Variants in DBF4 observed in about 807,000 individuals in gnomAD.
DBF4 encodes the protein DBF4-CDC7 kinase regulatory subunit, also known as protein DBF4 homolog A.
In DBF4, 25 loss-of-function variants were observed where a neutral mutation model predicts 76.6. The observed-to-expected ratio is 0.33, with a 90% CI of 0.24 to 0.46. The LOEUF is 0.46. Among genes scored for constraint, DBF4 ranks in the 20% least tolerant of loss-of-function variants. The pLI, the probability that DBF4 is intolerant of heterozygous loss-of-function variation, is 1.00. For synonymous variants in DBF4, 213 were observed against 258.0 expected, an observed-to-expected ratio of 0.83 and a Z score of 1.67; for missense variants, 638 against 760.8, an observed-to-expected ratio of 0.84 and a Z score of 1.90.
intron 8 of DBF4, among the ~76,000 whole-genome samples, chr7:87,898,394 C>A (rs906215989): frequency 1.3e-5 from 2 of 152,152 alleles, no homozygotes; most frequent in African/African-American, 4.8e-5. Flanking sequence ...TCACTGCAAT[C>A]CCTATCAAAA....
rs17146787 is a variant in DBF4, at chr7:87,908,426, C to G, written c.*263C>G. 4.2e-3 allele frequency: 1,017 copies of G among 242,988 alleles called. 23 individuals carry two copies. The East Asian group carries it at 0.066, about 16-fold the overall frequency. 15.1% of individuals were successfully genotyped at this position (242,988 alleles called of 1,614,324 possible). The stretch of plus-strand genomic sequence containing the variant: ...GAGAATTACAATGAATAATAATTTG[C>G]TTTGTCACTGAAAACCACCAGTGAA... On this transcript the variant is annotated 3_prime_UTR_variant, in exon 12 of 12. Coordinates refer to ENST00000265728, the MANE Select transcript of DBF4 (RefSeq NM_006716.4).
At chr7:87,881,114 A>G (rs529004192) in intron 2 of DBF4, among the ~76,000 whole-genome samples, 1 of 152,238 alleles carries the variant, frequency 6.6e-6, no homozygotes, top group South Asian at 2.1e-4. Context: ...GGTAGATTCA[A>G]AAATGAATCC....
In DBF4 at chr7:87,908,948, A is replaced by T. The variant is rs1032014133; in HGVS notation, c.*785A>T. The T allele has an allele frequency of 1.3e-5, 2 of 152,238 alleles. No individual in the cohort carries two copies. The highest frequency in any genetic ancestry group is 4.8e-5 in the African/African-American group (2 of 41,442). 9.4% of individuals were successfully genotyped at this position (152,238 alleles called of 1,614,324 possible). ...CAAAAAATTAGCTGGGCATGGCGGC[A>T]TGCGCCTGTAGTCCCAGCTACTCCC... On this transcript the variant is annotated 3_prime_UTR_variant, in exon 12 of 12. Coordinates refer to ENST00000265728, the MANE Select transcript of DBF4 (RefSeq NM_006716.4).
rs570992137 is a variant in DBF4 at position 87,876,504 on chromosome 7, C to T, written c.-229C>T. 2.3e-5 allele frequency: 11 copies of T among 480,982 alleles called. No homozygotes were observed. In the South Asian group the frequency reaches 2.9e-4, roughly 13 times the overall value. 29.8% of individuals were successfully genotyped at this position (480,982 alleles called of 1,614,324 possible). A position where few individuals can be genotyped will look rare whatever the true frequency, so the allele number is the denominator to read the frequency against. ...CGTGACGCGTTTTCAAATCTTCAAC[C>T]GCCGCAGCCCACTCGTTTGTGCTTT... On this transcript the variant is annotated 5_prime_UTR_variant, in exon 1 of 12. Coordinates refer to ENST00000265728, the MANE Select transcript of DBF4 (RefSeq NM_006716.4).
chr7:87,886,972 A>G, intron 4 of DBF4, 78 bp downstream of exon 4: 3 of 1,037,362 alleles, frequency 2.9e-6, no homozygotes, highest in Middle Eastern at 4.2e-4. Flanking sequence ...TATTCTTGAA[A>G]TTTTCCTTTC....
At position 87,908,363 on chromosome 7, in the gene DBF4, CTT is replaced by C. The variant is rs1477924556; in HGVS notation, c.*201_*202del. ...ATTACAGAATAAACTTGTGACTGGT[CTT>C]GTTTTACATTATATATATGTTCGTA... is the stretch of plus-strand genomic sequence containing the variant. On this transcript the variant is annotated 3_prime_UTR_variant, in exon 12 of 12. Coordinates refer to ENST00000265728, the MANE Select transcript of DBF4 (RefSeq NM_006716.4). The C allele has an allele frequency of 4.6e-6, 2 of 431,280 alleles. No individual in the cohort carries two copies. Among genetic ancestry groups the C allele is most frequent in the Admixed American group, 8.3e-5 (2 of 24,104 alleles). The allele number at this position is 431,280 out of a possible 1,614,324, so 26.7% of individuals were successfully genotyped here.
rs923941818 is a variant in DBF4 at position 87,909,143 on chromosome 7, T to C, written c.*980T>C. The C allele has an allele frequency of 6.6e-6, 1 of 152,166 alleles. No homozygotes were observed. The highest frequency in any genetic ancestry group is 2.1e-4 in the South Asian group (1 of 4,830). The allele number at this position is 152,166 out of a possible 1,614,324, so 9.4% of individuals were successfully genotyped here. ...TGAAGGAGAAAAGGATGGCATTGAATTATAGATACAGTTTTGGGATATATA... is the reference window on the plus strand; with the variant it reads ...TGAAGGAGAAAAGGATGGCATTGAACTATAGATACAGTTTTGGGATATATA... On this transcript the variant is annotated 3_prime_UTR_variant, in exon 12 of 12. Transcript: ENST00000265728.
rs867217536 is a variant in DBF4, at chr7:87,901,550, A to C, written c.924+672A>C. 2.6e-5 allele frequency among the ~76,000 whole-genome samples: 4 copies of C among 152,344 alleles called. 1 individual carries two copies. Among genetic ancestry groups the C allele is most frequent in the Non-Finnish European group, 2.9e-5 (2 of 68,032 alleles). Reference sequence around the variant, plus strand: ...TATAGTATTTTGAACCTTAGCAATTAAAAAGTGGGCTTATTATTTATAATG... The same window carrying C: ...TATAGTATTTTGAACCTTAGCAATTCAAAAGTGGGCTTATTATTTATAATG... On this transcript the variant is annotated intron_variant, in intron 10 of 11. Transcript: ENST00000265728.
At chr7:87,885,424 AAAGTT>A (rs1487974674) in intron 3 of DBF4, among the ~76,000 whole-genome samples, 2 of 152,340 alleles carry the variant, frequency 1.3e-5, no homozygotes, top group East Asian at 1.9e-4. Context: ...TTACAACTAA[AAAGTT>A]AAGAGCAGAT....
chr7:87,891,527 A>G (rs1839490444), intron 6 of DBF4, among the ~76,000 whole-genome samples: 1 of 152,058 alleles, frequency 6.6e-6, no homozygotes, highest in Non-Finnish European at 1.5e-5. Context: ...TTTTCAAGGA[A>G]TTTGTCCATT....
chr7:87,880,031 C>G (rs1354557896), intron 2 of DBF4, among the ~76,000 whole-genome samples: 1 of 151,768 alleles, frequency 6.6e-6, no homozygotes, highest in East Asian at 1.9e-4. Context: ...ATGAACAACC[C>G]ATTAACTCTA....
intron 2 of DBF4, among the ~76,000 whole-genome samples, chr7:87,881,585 A>C (rs1388459901): frequency 6.6e-6 from 1 of 152,240 alleles, no homozygotes; most frequent in African/African-American, 2.4e-5. Context: ...CAACTGGAAC[A>C]CGGCTTTGAA....
At chr7:87,895,711 A>T (rs984353849) in intron 6 of DBF4, among the ~76,000 whole-genome samples, 2 of 152,084 alleles carry the variant, frequency 1.3e-5, no homozygotes, top group African/African-American at 4.8e-5. Context: ...TTCATGGATC[A>T]ATCTCCAGCT....
rs762270745 is a variant in DBF4, at chr7:87,896,465, T to A, written c.598-9T>A. ...AAAGCCAATCTTTTCACTATATATT[T>A]TTTTTTAGGGCAAAAGAGTTGGTAG... On this transcript the variant is annotated splice_polypyrimidine_tract_variant and intron_variant, in intron 6 of 11. Coordinates refer to ENST00000265728, the MANE Select transcript of DBF4 (RefSeq NM_006716.4). 6.2e-7 allele frequency: 1 copy of A among 1,610,440 alleles called. No individual in the cohort carries two copies.
Position 87,876,859 on chromosome 7 carries a change from C to G in DBF4, c.46+81C>G, listed in dbSNP as rs1447357603. The G allele has an allele frequency of 2.0e-6, 3 of 1,469,976 alleles. No homozygotes were observed. In the African/African-American group the frequency reaches 4.2e-5, roughly 20 times the overall value. 91.1% of individuals were successfully genotyped at this position (1,469,976 alleles called of 1,614,324 possible). A position where few individuals can be genotyped will look rare whatever the true frequency, so the allele number is the denominator to read the frequency against. Reference sequence around the variant, plus strand: ...TCCACCATTGATTCTTCAGACTTCTCCCGCCGGGTCCTCAGCTTCTTTTCT... The same window carrying G: ...TCCACCATTGATTCTTCAGACTTCTGCCGCCGGGTCCTCAGCTTCTTTTCT... On this transcript the variant is annotated intron_variant, in intron 1 of 11. Transcript: ENST00000265728.
chr7:87,881,939 T>C (rs890250035), intron 2 of DBF4, among the ~76,000 whole-genome samples: 2 of 152,206 alleles, frequency 1.3e-5, no homozygotes, highest in Non-Finnish European at 1.5e-5. Context: ...TTAAAATATA[T>C]GTCAATGCAG....
At chr7:87,889,747 A>T (rs1044499570) in intron 6 of DBF4, among the ~76,000 whole-genome samples, 4 of 152,204 alleles carry the variant, frequency 2.6e-5, no homozygotes, top group Non-Finnish European at 4.4e-5. Context: ...CTATCAATCA[A>T]AGTGTAAAAA....
At chr7:87,887,926 CTGTT>C (rs1839398967) in intron 5 of DBF4, 53 bp from the exon 6 acceptor site, 1 of 1,411,932 alleles carries the variant, frequency 7.1e-7, no homozygotes, top group Admixed American at 2.5e-5. Context: ...GAAAATATCA[CTGTT>C]TAACTCCAAG....
chr7:87,893,749 TTCA>T (rs1442301432), intron 6 of DBF4, among the ~76,000 whole-genome samples: 1 of 152,222 alleles, frequency 6.6e-6, no homozygotes, highest in African/African-American at 2.4e-5. Flanking sequence ...TATTGTCTTT[TTCA>T]TCAAATTTGG....
Sources: gnomAD v4.1 joint callset for allele counts (sites outside exome capture counted in the v4.1 genomes callset) on GRCh38, gnomAD v4.1.1 for gene constraint, MANE v1.5 for transcripts, NCBI Gene and HGNC (gene_info 2026-07-23, HGNC 2026-07-21) for gene names.